TMEM62: variants seen among roughly 807,000 people sequenced by gnomAD.
The protein encoded by TMEM62 is transmembrane protein 62.
TMEM62 carries 41 observed loss-of-function variants against 70.4 expected under a neutral mutation model. The ratio of observed to expected loss-of-function variants is 0.58; its 90% CI spans 0.45 to 0.76. The LOEUF (loss-of-function observed/expected upper bound fraction) is 0.76. Ranked by LOEUF, TMEM62 falls within the 30% of genes least tolerant of loss-of-function variation. The probability of loss-of-function intolerance (pLI) is 0.00; values close to 1 mark genes in which losing one functional copy is unlikely to be tolerated. For missense variants in TMEM62, 688 were observed against 788.5 expected, an observed-to-expected ratio of 0.87 and a Z score of 1.53; for synonymous variants, 268 against 291.0, an observed-to-expected ratio of 0.92 and a Z score of 0.80.
intron 8 of TMEM62, 141 bp downstream of exon 8, chr15:43,152,086 G>T: frequency 2.1e-6 from 1 of 481,576 alleles, no homozygotes; most frequent in Non-Finnish European, 3.5e-6. Context: ...AAGATAGATT[G>T]CTTACTGTTT....
At chr15:43,167,303 C>T (rs986028159) in intron 10 of TMEM62, among the ~76,000 whole-genome samples, 1 of 150,486 alleles carries the variant, frequency 6.6e-6, no homozygotes, top group Non-Finnish European at 1.5e-5. Flanking sequence ...GGCTGCCGGG[C>T]GGAGACGCTC....
At chr15:43,139,674 A>G (rs771201596) in intron 4 of TMEM62, among the ~76,000 whole-genome samples, 11 of 152,242 alleles carry the variant, frequency 7.2e-5, no homozygotes, top group Admixed American at 2.6e-4. Flanking sequence ...TAGACAATCA[A>G]ACCACCTACA....
intron 4 of TMEM62, 106 bp downstream of exon 4, chr15:43,138,725 G>T (rs2035588278): frequency 3.1e-6 from 3 of 963,516 alleles, no homozygotes; most frequent in Non-Finnish European, 4.8e-6. Flanking sequence ...ATTTTAAGAG[G>T]CAGGGGTCTC....
chr15:43,166,698 T>TGCG (rs1481109582), intron 10 of TMEM62, among the ~76,000 whole-genome samples: 1 of 152,200 alleles, frequency 6.6e-6, no homozygotes, highest in African/African-American at 2.4e-5. Context: ...CAGAGGACCC[T>TGCG]GCGGCCTTCC....
At position 43,133,980 on chromosome 15, in the gene TMEM62, C is replaced by T. The variant is rs1283382682; in HGVS notation, c.178C>T (p.Gln60Ter). ...PGDSNIFWGL[Q>*]ISDIHLSRFR... ...AGACAGCAACATCTTCTGGGGCCTG[C>T]AGGTGACGCGGCGGGAAGCCGGGCC... Residue 60 changes from glutamine to a stop codon, truncating the protein, a stop_gained and splice_region_variant, in exon 1 of 14, where the codon CAG becomes TAG. Transcript: ENST00000260403. LOFTEE classifies it high-confidence loss of function. 6.9e-7 allele frequency: 1 copy of T among 1,444,372 alleles called. No homozygotes were observed. The highest frequency in any genetic ancestry group is 9.1e-7 in the Non-Finnish European group (1 of 1,104,878). The allele number at this position is 1,444,372 out of a possible 1,614,324, so 89.5% of individuals were successfully genotyped here.
At chr15:43,180,412 C>A (rs1163409786) in intron 12 of TMEM62, among the ~76,000 whole-genome samples, 3 of 152,178 alleles carry the variant, frequency 2.0e-5, no homozygotes, top group Non-Finnish European at 4.4e-5. Context: ...CATGAGCCAC[C>A]CTGCCTGGCC....
intron 9 of TMEM62, chr15:43,160,409 G>A (rs1033082101): frequency 4.6e-5 from 13 of 283,566 alleles, no homozygotes; most frequent in South Asian, 8.9e-5. Context: ...ATATTAGCCA[G>A]GCGTAGTGGT....
chr15:43,159,962 G>A (rs925208359), intron 9 of TMEM62, among the ~76,000 whole-genome samples: 1 of 151,930 alleles, frequency 6.6e-6, no homozygotes, highest in African/African-American at 2.4e-5. Context: ...TAGAATTATA[G>A]GTTTTAATCT....
chr15:43,146,025 C>T (rs2036617886), intron 4 of TMEM62: 1 of 152,782 alleles, frequency 6.5e-6, no homozygotes, highest in African/African-American at 2.4e-5. Flanking sequence ...CAGACCTAGA[C>T]TAATATTTTT....
At chr15:43,147,714 A>T (rs1465909135) in intron 5 of TMEM62, among the ~76,000 whole-genome samples, 2 of 152,216 alleles carry the variant, frequency 1.3e-5, no homozygotes, top group Non-Finnish European at 2.9e-5. Context: ...CTTATCTATC[A>T]AGTGTCTTTA....
At chr15:43,137,918 C>T (rs146824790) in intron 3 of TMEM62, among the ~76,000 whole-genome samples, 165 of 152,266 alleles carry the variant, frequency 1.1e-3, no homozygotes, top group African/African-American at 3.8e-3. Context: ...CATTCTCTGC[C>T]GGGCCTACAC....
chr15:43,151,988 A>G, intron 8 of TMEM62, 43 bp downstream of exon 8: 1 of 1,501,912 alleles, frequency 6.7e-7, no homozygotes, highest in Non-Finnish European at 9.1e-7. Context: ...TTTGATAATG[A>G]AGGAGAATAA....
intron 9 of TMEM62, among the ~76,000 whole-genome samples, chr15:43,157,587 A>T (rs2038193524): frequency 6.6e-6 from 1 of 152,200 alleles, no homozygotes; most frequent in Admixed American, 6.6e-5. Flanking sequence ...AGATAATATT[A>T]TAATGAACTC....
intron 10 of TMEM62, among the ~76,000 whole-genome samples, chr15:43,163,382 A>T (rs1412758028): frequency 6.6e-6 from 1 of 152,142 alleles, no homozygotes; most frequent in East Asian, 1.9e-4. Flanking sequence ...CATTACTACA[A>T]AATTTTTAAA....
intron 8 of TMEM62, among the ~76,000 whole-genome samples, chr15:43,153,575 A>G (rs2037664495): frequency 1.3e-5 from 2 of 152,166 alleles, no homozygotes; most frequent in Non-Finnish European, 2.9e-5. Context: ...TTCATTTAAC[A>G]TGATGTCTTC....
intron 5 of TMEM62, 71 bp downstream of exon 5, chr15:43,146,705 T>G (rs905122777): frequency 7.6e-7 from 1 of 1,318,356 alleles, no homozygotes; most frequent in African/African-American, 1.5e-5. Flanking sequence ...TCACTTAAAG[T>G]TATCAAAAGT....
At position 43,154,753 on chromosome 15, in the gene TMEM62, G is replaced by A; in HGVS notation, c.1104G>A (p.Val368=). ...DGVHLGQAVH[V]SGPIFVLKWN... ...TTCATTTAGGCCAGGCTGTTCATGT[G>A]TCTGGTCCCATTTTCGTACTGAAGT... The change falls in exon 9 of 14, where the codon GTG becomes GTA. Residue 368 remains valine (V), a synonymous_variant. Coordinates refer to ENST00000260403, the MANE Select transcript of TMEM62 (RefSeq NM_024956.4). 3 of 1,614,036 alleles carry A rather than the reference G, an allele frequency of 1.9e-6. No homozygotes were observed. The highest frequency in any genetic ancestry group is 1.3e-5 in the African/African-American group (1 of 75,028).
chr15:43,167,570 G>A (rs2039655775), intron 10 of TMEM62, among the ~76,000 whole-genome samples: 2 of 152,034 alleles, frequency 1.3e-5, no homozygotes, highest in Admixed American at 1.3e-4. Context: ...TGGGATGGCG[G>A]CCGGGAAGAG....
chr15:43,161,812 C>T (rs1282838919), intron 10 of TMEM62, among the ~76,000 whole-genome samples: 1 of 151,820 alleles, frequency 6.6e-6, no homozygotes, highest in Non-Finnish European at 1.5e-5. Context: ...AGGTGCCTGC[C>T]ACCACGCCCA....
Sources: allele counts gnomAD v4.1 joint callset (sites outside exome capture counted in the v4.1 genomes callset), GRCh38; gene constraint gnomAD v4.1.1; transcripts MANE v1.5; gene names NCBI Gene and HGNC (gene_info 2026-07-23, HGNC 2026-07-21).